The following HS6ST3 variants were observed in gnomAD, a reference collection of about 807,000 sequenced individuals.
HS6ST3 encodes the protein heparan-sulfate 6-O-sulfotransferase 3.
HS6ST3 carries 12 observed loss-of-function variants against 36.7 expected under a neutral mutation model. The ratio of observed to expected loss-of-function variants is 0.33; its 90% CI spans 0.21 to 0.53. The LOEUF (loss-of-function observed/expected upper bound fraction) is 0.53. Among genes scored for constraint, HS6ST3 ranks in the 20% least tolerant of loss-of-function variants. HS6ST3 has a pLI of 0.95. For synonymous variants in HS6ST3, 240 were observed against 257.5 expected (o/e 0.93, Z 0.65); for missense variants, 584 against 640.9 (o/e 0.91, Z 0.96).
intron 1 of HS6ST3, among the ~76,000 whole-genome samples, chr13:96,107,408 A>G (rs2053846816): frequency 6.6e-6 from 1 of 152,170 alleles, no homozygotes; most frequent in African/African-American, 2.4e-5. Flanking sequence ...TGGATGGGTT[A>G]TCCATGAGAA....
chr13:96,476,757 A>C (rs1216787436), intron 1 of HS6ST3, among the ~76,000 whole-genome samples: 1 of 152,152 alleles, frequency 6.6e-6, no homozygotes, highest in African/African-American at 2.4e-5. Context: ...GCCTTGAATC[A>C]TAGAAAGGGA....
At chr13:96,305,678 C>T (rs914465089) in intron 1 of HS6ST3, among the ~76,000 whole-genome samples, 9 of 151,998 alleles carry the variant, frequency 5.9e-5, no homozygotes, top group Non-Finnish European at 1.0e-4. Flanking sequence ...AGTAGTTATA[C>T]CTAAAAATAA....
chr13:96,192,601 G>GATATATAT (rs5805955), intron 1 of HS6ST3, among the ~76,000 whole-genome samples: 12 of 147,688 alleles, frequency 8.1e-5, no homozygotes, highest in African/African-American at 3.0e-4. Context: ...CCATGGGATG[G>GATATATAT]ATATATATAT....
At chr13:96,433,814 A>G (rs2055628315) in intron 1 of HS6ST3, among the ~76,000 whole-genome samples, 1 of 152,174 alleles carries the variant, frequency 6.6e-6, no homozygotes, top group South Asian at 2.1e-4. Context: ...AGGCACGTGT[A>G]ATACCAACTA....
chr13:96,356,142 C>G (rs2055209012), intron 1 of HS6ST3, among the ~76,000 whole-genome samples: 2 of 152,078 alleles, frequency 1.3e-5, no homozygotes, highest in Non-Finnish European at 2.9e-5. Flanking sequence ...AGAACTAATT[C>G]TAGTTCTCTT....
rs2139486943 is a variant in HS6ST3 at position 96,453,639 on chromosome 13, C to A, written c.707+362070C>A. Among the ~76,000 whole-genome samples, 9 of 152,186 alleles carry A rather than the reference C, an allele frequency of 5.9e-5. 2 individuals are homozygous for A. In the South Asian group the frequency reaches 1.9e-3, roughly 32 times the overall value. On this transcript the variant is annotated intron_variant, in intron 1 of 1. Coordinates refer to ENST00000376705, the MANE Select transcript of HS6ST3 (RefSeq NM_153456.4). ...CATTGAAGGAAGCAAAAAACGGGTTCTAGGGTAGAATTATTATTGAAGCTA... is the reference window on the plus strand; with the variant it reads ...CATTGAAGGAAGCAAAAAACGGGTTATAGGGTAGAATTATTATTGAAGCTA...
At chr13:96,205,294 A>G (rs866759322) in intron 1 of HS6ST3, among the ~76,000 whole-genome samples, 5 of 152,114 alleles carry the variant, frequency 3.3e-5, no homozygotes, top group South Asian at 2.1e-4. Flanking sequence ...TTGAGTCCCT[A>G]AATAGACCAG....
chr13:96,323,548 T>C (rs2055015231), intron 1 of HS6ST3, among the ~76,000 whole-genome samples: 1 of 152,180 alleles, frequency 6.6e-6, no homozygotes, highest in Non-Finnish European at 1.5e-5. Flanking sequence ...ACTCCTTTGC[T>C]CAAGGCCTTT....
intron 1 of HS6ST3, among the ~76,000 whole-genome samples, chr13:96,445,293 A>G (rs560351801): frequency 1.2e-4 from 19 of 152,304 alleles, no homozygotes; most frequent in African/African-American, 4.6e-4. Context: ...AGTTGAGTAA[A>G]AACTGTGTCA....
At chr13:96,416,125 A>G (rs943881385) in intron 1 of HS6ST3, among the ~76,000 whole-genome samples, 5 of 152,230 alleles carry the variant, frequency 3.3e-5, no homozygotes, top group Non-Finnish European at 7.3e-5. Context: ...ATTCATTTAT[A>G]TGAAATGGCC....
chr13:96,227,390 C>T lies in HS6ST3; in HGVS notation c.707+135821C>T, dbSNP rs78032896. Among the ~76,000 whole-genome samples, 1,345 of 152,266 alleles carry T rather than the reference C, an allele frequency of 8.8e-3. 10 individuals are homozygous for T. The highest frequency in any genetic ancestry group is 0.027 in the Middle Eastern group (8 of 294). On this transcript the variant is annotated intron_variant, in intron 1 of 1. Transcript: ENST00000376705. ...TAATGCATTGGCACCTATATGGCCA[C>T]GGTCAGACAAGTACAGATGTTACGA...
chr13:96,437,395 T>C (rs2139478206), intron 1 of HS6ST3, among the ~76,000 whole-genome samples: 1 of 152,352 alleles, frequency 6.6e-6, no homozygotes, highest in East Asian at 1.9e-4. Flanking sequence ...GTTTGTCTTC[T>C]TTGAGTCTTA....
At chr13:96,446,306 A>AT (rs1475079053) in intron 1 of HS6ST3, among the ~76,000 whole-genome samples, 1 of 151,882 alleles carries the variant, frequency 6.6e-6, no homozygotes, top group African/African-American at 2.4e-5. Context: ...TTTTTCAGAC[A>AT]TATTTGTTTA....
At chr13:96,522,550 G>T (rs541924216) in intron 1 of HS6ST3, among the ~76,000 whole-genome samples, 62 of 152,210 alleles carry the variant, frequency 4.1e-4, no homozygotes, top group African/African-American at 1.5e-3. Flanking sequence ...GGGTGCATAG[G>T]TATTTAGGAT....
chr13:96,398,008 T>C (rs2055430723), intron 1 of HS6ST3, among the ~76,000 whole-genome samples: 1 of 152,196 alleles, frequency 6.6e-6, no homozygotes, highest in Non-Finnish European at 1.5e-5. Flanking sequence ...TTAAGATTCT[T>C]ATCAAGTTCT....
At chr13:96,773,529 T>C (rs1232318758) in intron 1 of HS6ST3, among the ~76,000 whole-genome samples, 3 of 152,030 alleles carry the variant, frequency 2.0e-5, no homozygotes, top group Non-Finnish European at 2.9e-5. Context: ...GAGTAAGCAA[T>C]TTTCCCCTCA....
In HS6ST3 at chr13:96,797,422, C is replaced by A. The variant is rs542532120; in HGVS notation, c.708-35068C>A. ...TGAAAACAAAGGCAGAAAGAATAAA[C>A]AATTTGGTTAATTGAGTTTGAATGA... On this transcript the variant is annotated intron_variant, in intron 1 of 1. Transcript: ENST00000376705. Among the ~76,000 whole-genome samples, 9 of 151,950 alleles carry A rather than the reference C, an allele frequency of 5.9e-5. No individual in the cohort carries two copies. In the East Asian group the frequency reaches 1.7e-3, roughly 29 times the overall value.
chr13:96,176,731 A>G (rs1051119585), intron 1 of HS6ST3, among the ~76,000 whole-genome samples: 1 of 152,180 alleles, frequency 6.6e-6, no homozygotes, highest in Non-Finnish European at 1.5e-5. Context: ...GCAAAAAGAG[A>G]TGGAAAGAAG....
At chr13:96,606,783 TA>T (rs962256869) in intron 1 of HS6ST3, among the ~76,000 whole-genome samples, 1 of 151,730 alleles carries the variant, frequency 6.6e-6, no homozygotes, top group African/African-American at 2.4e-5. Flanking sequence ...GAAATCATTT[TA>T]AAAAAAGAAA....
Sources: allele counts gnomAD v4.1 joint callset (sites outside exome capture counted in the v4.1 genomes callset), GRCh38; gene constraint gnomAD v4.1.1; transcripts MANE v1.5; gene names NCBI Gene and HGNC (gene_info 2026-07-23, HGNC 2026-07-21).